USP47: variants seen among roughly 807,000 people sequenced by gnomAD.
USP47 encodes the protein ubiquitin specific peptidase 47, also known as ubiquitin carboxyl-terminal hydrolase 47.
Under a neutral mutation model 165.1 loss-of-function variants are expected in USP47, and 35 were observed. The observed-to-expected ratio is 0.21, with a 90% CI of 0.16 to 0.28. The LOEUF is 0.28. USP47 is among the 10% of genes least tolerant of loss of function. USP47 has a pLI of 1.00. For synonymous variants in USP47, 531 were observed against 544.5 expected, an observed-to-expected ratio of 0.98 and a Z score of 0.35; for missense variants, 1,277 against 1,607.4, an observed-to-expected ratio of 0.79 and a Z score of 3.52.
At chr11:11,916,332 G>A (rs1010882231) in intron 8 of USP47, among the ~76,000 whole-genome samples, 5 of 152,024 alleles carry the variant, frequency 3.3e-5, no homozygotes, top group African/African-American at 1.2e-4. Context: ...TAATATATGG[G>A]GAGCAGTAAG....
chr11:11,941,873 A>G (rs1438916507), intron 19 of USP47, among the ~76,000 whole-genome samples: 1 of 151,996 alleles, frequency 6.6e-6, no homozygotes, highest in East Asian at 1.9e-4. Context: ...TACAAAGCCA[A>G]GTCATTTGCC....
chr11:11,873,578 A>G (rs1245146182), intron 1 of USP47, among the ~76,000 whole-genome samples: 1 of 152,108 alleles, frequency 6.6e-6, no homozygotes, highest in Non-Finnish European at 1.5e-5. Flanking sequence ...TCTTTATTAA[A>G]ATGGCTATTT....
intron 11 of USP47, among the ~76,000 whole-genome samples, chr11:11,926,297 C>T (rs1296239389): frequency 6.6e-6 from 1 of 152,136 alleles, no homozygotes; most frequent in Non-Finnish European, 1.5e-5. Flanking sequence ...TCTAGCAAAG[C>T]AACCTGGTCC....
chr11:11,940,592 A>C, intron 19 of USP47, 44 bp downstream of exon 19: 1 of 1,592,358 alleles, frequency 6.3e-7, no homozygotes, highest in Non-Finnish European at 8.6e-7. Context: ...TGCTGGTAGT[A>C]GTAAATGAAA....
In USP47 at chr11:11,897,580, G is replaced by C; in HGVS notation, c.497-17G>C. ...TGTAAATGCTGATTAATGTACATTTGTATTTTCTCTTTAAAGGATATGTGG... is the reference window on the plus strand; with the variant it reads ...TGTAAATGCTGATTAATGTACATTTCTATTTTCTCTTTAAAGGATATGTGG... On this transcript the variant is annotated splice_polypyrimidine_tract_variant and intron_variant, in intron 4 of 27. Coordinates refer to ENST00000527733, the MANE Select transcript of USP47 (RefSeq NM_001282659.2). 1 of 1,545,270 alleles carries C rather than the reference G, an allele frequency of 6.5e-7. No homozygotes were observed. The highest frequency in any genetic ancestry group is 8.8e-7 in the Non-Finnish European group (1 of 1,134,466).
intron 2 of USP47, among the ~76,000 whole-genome samples, chr11:11,881,006 C>T (rs1223249380): frequency 1.3e-5 from 2 of 152,006 alleles, no homozygotes; most frequent in African/African-American, 2.4e-5. Flanking sequence ...TAATTTTAGT[C>T]GTCTGTTAAC....
intron 5 of USP47, among the ~76,000 whole-genome samples, chr11:11,901,982 A>T (rs1852260338): frequency 6.6e-6 from 1 of 150,594 alleles, no homozygotes; most frequent in Non-Finnish European, 1.5e-5. Flanking sequence ...AAAAAGAGGG[A>T]AATAGTGTAA....
chr11:11,907,502 T>G (rs1452485668), intron 8 of USP47, among the ~76,000 whole-genome samples: 1 of 152,250 alleles, frequency 6.6e-6, no homozygotes, highest in Non-Finnish European at 1.5e-5. Context: ...CATTATTTTC[T>G]GAATTTAAAT....
At chr11:11,901,095 A>G (rs554861164) in intron 5 of USP47, among the ~76,000 whole-genome samples, 1 of 152,312 alleles carries the variant, frequency 6.6e-6, no homozygotes, top group East Asian at 1.9e-4. Context: ...CCTTGAGAAG[A>G]AAAAGGTGAA....
At chr11:11,947,527 A>G (rs1855922446) in intron 20 of USP47, among the ~76,000 whole-genome samples, 1 of 152,206 alleles carries the variant, frequency 6.6e-6, no homozygotes, top group Non-Finnish European at 1.5e-5. Context: ...GGGCACTATT[A>G]TCATCTCCAT....
chr11:11,903,153 G>A, intron 6 of USP47, 110 bp from the exon 7 acceptor site: 1 of 1,044,596 alleles, frequency 9.6e-7, no homozygotes, highest in Admixed American at 2.9e-5. Context: ...TTTAAATTTG[G>A]CATTATTTAA....
In USP47 at chr11:11,923,038, G is replaced by GTACA. The variant is rs1317934899; in HGVS notation, c.1386+150_1386+153dup. On this transcript the variant is annotated intron_variant, in intron 11 of 27. Transcript: ENST00000527733. ...AAGACTTCTCAAATATAGTTTTTTT[G>GTACA]TACATATATATATATATATATATAT... The GTACA allele has an allele frequency of 6.1e-4, 71 of 116,080 alleles. 1 individual carries two copies. In the East Asian group the frequency reaches 0.011, roughly 18 times the overall value. 7.2% of individuals were successfully genotyped at this position (116,080 alleles called of 1,614,324 possible).
intron 1 of USP47, among the ~76,000 whole-genome samples, chr11:11,857,858 T>C (rs1849142201): frequency 6.6e-6 from 1 of 152,204 alleles, no homozygotes; most frequent in South Asian, 2.1e-4. Flanking sequence ...GCAAACAGAC[T>C]GATTACGGGC....
intron 1 of USP47, among the ~76,000 whole-genome samples, chr11:11,853,804 T>C (rs1288112017): frequency 6.6e-6 from 1 of 152,180 alleles, no homozygotes; most frequent in African/African-American, 2.4e-5. Context: ...GTCTCAAGTT[T>C]TGATGTTCTT....
At chr11:11,876,533 T>C (rs1215131780) in intron 1 of USP47, among the ~76,000 whole-genome samples, 1 of 152,210 alleles carries the variant, frequency 6.6e-6, no homozygotes, top group African/African-American at 2.4e-5. Context: ...TGGGATGGGA[T>C]TGGGGCCAGG....
Position 11,956,529 on chromosome 11 carries a change from C to T in USP47, c.*354C>T. 5.7e-6 allele frequency: 1 copy of T among 176,620 alleles called. No homozygotes were observed. The highest frequency in any genetic ancestry group is 1.2e-5 in the Non-Finnish European group (1 of 83,396). 10.9% of individuals were successfully genotyped at this position (176,620 alleles called of 1,614,324 possible). ...AGCCGCTAGTAAAACTAGCCTCAAA[C>T]AGGATGCTCATAGCTTAATAATAAA... On this transcript the variant is annotated 3_prime_UTR_variant, in exon 28 of 28. Coordinates refer to ENST00000527733, the MANE Select transcript of USP47 (RefSeq NM_001282659.2).
rs138430781 is a variant in USP47, at chr11:11,938,525, T to A, written c.2193+153T>A. 7.4e-3 allele frequency among the ~76,000 whole-genome samples: 1,131 copies of A among 152,046 alleles called. 18 individuals carry two copies. Among genetic ancestry groups the A allele is most frequent in the African/African-American group, 0.026 (1,086 of 41,486 alleles). On this transcript the variant is annotated intron_variant, in intron 18 of 27. Coordinates refer to ENST00000527733, the MANE Select transcript of USP47 (RefSeq NM_001282659.2). ...ACAACTGTAGTTAAAAGAAACAGAT[T>A]GAGTAAAGTGTGGAGGTAAGAAAGT...
chr11:11,903,221 A>C (rs763988765), intron 6 of USP47, 42 bp from the exon 7 acceptor site: 57 of 1,561,348 alleles, frequency 3.7e-5, no homozygotes, highest in Non-Finnish European at 4.5e-5. Flanking sequence ...TTCATTACAT[A>C]AAGTTTATAG....
At chr11:11,955,542 C>T (rs1452027989) in intron 27 of USP47, among the ~76,000 whole-genome samples, 1 of 152,090 alleles carries the variant, frequency 6.6e-6, no homozygotes, top group Non-Finnish European at 1.5e-5. Context: ...AGCTCAATAG[C>T]CACATGTGGC....
Sources: allele counts gnomAD v4.1 joint callset (sites outside exome capture counted in the v4.1 genomes callset), GRCh38; gene constraint gnomAD v4.1.1; transcripts MANE v1.5; gene names NCBI Gene and HGNC (gene_info 2026-07-23, HGNC 2026-07-21).